PHF24: variants seen among roughly 807,000 people sequenced by gnomAD.
PHF24 encodes the protein Galpha inhibitory interacting protein.
A neutral mutation model predicts 42.6 loss-of-function variants in PHF24; 25 were observed. That is an observed-to-expected ratio of 0.59 (90% CI 0.43 to 0.82). PHF24 has a LOEUF of 0.82. Among genes scored for constraint, PHF24 ranks in the 40% least tolerant of loss-of-function variants. The probability of loss-of-function intolerance (pLI) is 0.00; values close to 1 mark genes in which losing one functional copy is unlikely to be tolerated. For missense variants in PHF24, 470 were observed against 538.1 expected, an observed-to-expected ratio of 0.87 and a Z score of 1.25; for synonymous variants, 185 against 204.8, an observed-to-expected ratio of 0.90 and a Z score of 0.83.
At chr9:34,818,036 ATTTAC>A in the PHF24 span, among the ~76,000 whole-genome samples, 2 of 152,060 alleles carry the variant, frequency 1.3e-5, no homozygotes, top group African/African-American at 4.8e-5. Flanking sequence ...ATTATTGCAT[ATTTAC>A]TTTATATTTT....
At chr9:34,915,004 T>A in the PHF24 span, among the ~76,000 whole-genome samples, 4 of 147,022 alleles carry the variant, frequency 2.7e-5, no homozygotes, top group African/African-American at 1.0e-4. Flanking sequence ...TTGCCCAGGT[T>A]GACACATTTC....
chr9:34,671,806 CTCAT>C, the PHF24 span, among the ~76,000 whole-genome samples: 6 of 134,004 alleles, frequency 4.5e-5, no homozygotes, highest in Admixed American at 3.9e-4. Context: ...ATTTTTCTGC[CTCAT>C]CCATCCATCC....
the PHF24 span, among the ~76,000 whole-genome samples, chr9:34,850,475 G>T: frequency 3.9e-5 from 6 of 152,222 alleles, no homozygotes; most frequent in Non-Finnish European, 8.8e-5. Flanking sequence ...GCACTTCTCT[G>T]TATTGGTTAT....
At chr9:34,725,161 G>A in the PHF24 span, 87 of 1,539,912 alleles carry the variant, frequency 5.6e-5, no homozygotes, top group East Asian at 1.2e-3. Context: ...GTACACAGGC[G>A]GGGATCTTGC....
At chr9:34,940,654 C>G in the PHF24 span, among the ~76,000 whole-genome samples, 1 of 152,182 alleles carries the variant, frequency 6.6e-6, no homozygotes, top group Non-Finnish European at 1.5e-5. Flanking sequence ...GCTTACCTGC[C>G]ACCAAGGTGT....
the PHF24 span, among the ~76,000 whole-genome samples, chr9:34,883,526 C>A: frequency 1.3e-5 from 2 of 152,138 alleles, no homozygotes; most frequent in African/African-American, 2.4e-5. Context: ...AAGAAAAAAT[C>A]AAACAATCCC....
the PHF24 span, among the ~76,000 whole-genome samples, chr9:34,680,675 G>A: frequency 1.1e-4 from 15 of 138,804 alleles, no homozygotes; most frequent in Middle Eastern, 3.7e-3. Flanking sequence ...GCGACAGAGC[G>A]AGACTCCGTC....
At chr9:34,818,361 G>A in the PHF24 span, among the ~76,000 whole-genome samples, 1 of 152,030 alleles carries the variant, frequency 6.6e-6, no homozygotes, top group African/African-American at 2.4e-5. Context: ...ATCTATCCTG[G>A]TTTTCTGAGT....
the PHF24 span, among the ~76,000 whole-genome samples, chr9:34,736,896 G>A: frequency 3.8e-4 from 58 of 152,242 alleles, no homozygotes; most frequent in East Asian, 0.01. Context: ...TCTATACCAC[G>A]CAAATGATAT....
chr9:34,832,765 G>C, the PHF24 span: 1 of 1,550,516 alleles, frequency 6.4e-7, no homozygotes, highest in Middle Eastern at 1.7e-4. Flanking sequence ...CCCTGCAAAG[G>C]CTTAGCCTGA....
chr9:34,824,361 A>T, the PHF24 span, among the ~76,000 whole-genome samples: 1 of 152,228 alleles, frequency 6.6e-6, no homozygotes, highest in African/African-American at 2.4e-5. Flanking sequence ...TATATGACAC[A>T]TATGTGTGCA....
chr9:34,811,564 C>T, the PHF24 span, among the ~76,000 whole-genome samples: 106 of 152,306 alleles, frequency 7.0e-4, no homozygotes, highest in African/African-American at 2.4e-3. Flanking sequence ...TTGGGCTTCC[C>T]AGCCTCCAGA....
At chr9:34,941,821 T>A in the PHF24 span, among the ~76,000 whole-genome samples, 1 of 152,174 alleles carries the variant, frequency 6.6e-6, no homozygotes. Flanking sequence ...CATGATCTAA[T>A]CACTTCCCAA....
At chr9:34,862,686 C>G in the PHF24 span, among the ~76,000 whole-genome samples, 1 of 152,046 alleles carries the variant, frequency 6.6e-6, no homozygotes, top group South Asian at 2.1e-4. Context: ...GACAGACTTG[C>G]TGGCTTCCGG....
chr9:34,847,524 T>C, the PHF24 span, among the ~76,000 whole-genome samples: 5 of 152,142 alleles, frequency 3.3e-5, no homozygotes, highest in East Asian at 7.7e-4. Flanking sequence ...GTTTTCTAGA[T>C]ATACAATCAT....
the PHF24 span, chr9:34,729,519 A>G: frequency 7.3e-7 from 1 of 1,371,078 alleles, no homozygotes; most frequent in Non-Finnish European, 9.8e-7. Flanking sequence ...AGGCCTTGTC[A>G]TGTCCACCTC....
At chr9:34,715,154 T>A in the PHF24 span, among the ~76,000 whole-genome samples, 1 of 152,048 alleles carries the variant, frequency 6.6e-6, no homozygotes, top group Non-Finnish European at 1.5e-5. Context: ...GGTGGAAACC[T>A]GGCTGGACAA....
chr9:34,788,423 C>A, the PHF24 span, among the ~76,000 whole-genome samples: 1 of 152,084 alleles, frequency 6.6e-6, no homozygotes, highest in African/African-American at 2.4e-5. Context: ...AGTATAGAGA[C>A]CTTTCAAAAT....
the PHF24 span, among the ~76,000 whole-genome samples, chr9:34,910,186 T>A: frequency 6.6e-6 from 1 of 152,206 alleles, no homozygotes; most frequent in African/African-American, 2.4e-5. Context: ...GAAGAAGGAA[T>A]ATAATTAGTC....
Sources: gnomAD v4.1 joint callset for allele counts (sites outside exome capture counted in the v4.1 genomes callset) on GRCh38, gnomAD v4.1.1 for gene constraint, MANE v1.5 for transcripts, NCBI Gene and HGNC (gene_info 2026-07-23, HGNC 2026-07-21) for gene names.